The following CPNE9 variants were observed in gnomAD, a reference collection of about 807,000 sequenced individuals.
CPNE9 encodes copine family member 9, also known as copine-9.
In CPNE9, 59 loss-of-function variants were observed where a neutral mutation model predicts 83.0. The ratio of observed to expected loss-of-function variants is 0.71; its 90% CI spans 0.58 to 0.88. The LOEUF is 0.88. Ranked by LOEUF, CPNE9 falls within the 40% of genes least tolerant of loss-of-function variation. The pLI is 0.00. For missense variants in CPNE9, 619 were observed against 720.8 expected, an observed-to-expected ratio of 0.86 and a Z score of 1.62; for synonymous variants, 256 against 273.4, an observed-to-expected ratio of 0.94 and a Z score of 0.63.
intron 4 of CPNE9, 44 bp downstream of exon 4, chr3:9,705,038 G>C (rs2076547642): frequency 2.1e-6 from 3 of 1,408,678 alleles, no homozygotes; most frequent in Non-Finnish European, 3.0e-6. Context: ...CCCCCGACCT[G>C]GATCCGCCCG....
rs774121495 is a variant in CPNE9 at position 9,715,951 on chromosome 3, G to A, written c.823-23G>A. On this transcript the variant is annotated intron_variant, in intron 13 of 20. Coordinates refer to ENST00000383832, the MANE Select transcript of CPNE9 (RefSeq NM_153635.3). ...CCCAACTGCCTTTTCCAAAGTGCCA[G>A]GGCTGCCTATTCTGTCCCACAGGTG... 13 of 1,607,624 alleles carry A rather than the reference G, an allele frequency of 8.1e-6. No individual in the cohort carries two copies. In the South Asian group the frequency reaches 1.5e-4, roughly 18 times the overall value.
In CPNE9 at chr3:9,729,671, C is replaced by T; in HGVS notation, c.1641C>T (p.Ile547=). 1 of 1,613,406 alleles carries T rather than the reference C, an allele frequency of 6.2e-7. No individual in the cohort carries two copies. Among genetic ancestry groups the T allele is most frequent in the Non-Finnish European group, 8.5e-7 (1 of 1,179,470 alleles). The change falls in exon 21 of 21, where the codon ATC becomes ATT. Residue 547 remains isoleucine, a synonymous_variant. Coordinates refer to ENST00000383832, the MANE Select transcript of CPNE9 (RefSeq NM_153635.3). ...RPPPPANPSP[I]PAPEQP ...CACCCCCTGCCAACCCCAGCCCGATCCCAGCTCCAGAGCAGCCCTGAGGAT... is the reference window on the plus strand; with the variant it reads ...CACCCCCTGCCAACCCCAGCCCGATTCCAGCTCCAGAGCAGCCCTGAGGAT...
intron 17 of CPNE9, among the ~76,000 whole-genome samples, chr3:9,719,186 C>T (rs560053438): frequency 9.9e-5 from 15 of 152,068 alleles, no homozygotes; most frequent in African/African-American, 2.7e-4. Flanking sequence ...GTATACAGGA[C>T]GATGTGTATA....
chr3:9,729,500 G>T lies in CPNE9; in HGVS notation c.1477-7G>T. 3 of 1,608,120 alleles carry T rather than the reference G, an allele frequency of 1.9e-6. No homozygotes were observed. Among genetic ancestry groups the T allele is most frequent in the South Asian group, 2.2e-5 (2 of 90,734 alleles). On this transcript the variant is annotated splice_polypyrimidine_tract_variant and splice_region_variant and intron_variant, in intron 20 of 20. Transcript: ENST00000383832. ...GGCTTATCTCTTCTTGTCTGTGCCT[G>T]ACCCAGTTCGTCCCATTCCGAGACT...
At chr3:9,722,007 C>G (rs1245020897) in intron 17 of CPNE9, among the ~76,000 whole-genome samples, 1 of 151,856 alleles carries the variant, frequency 6.6e-6, no homozygotes, top group Non-Finnish European at 1.5e-5. Context: ...CAACCTCTGC[C>G]CCTGGGTTCA....
At chr3:9,715,446 A>G (rs1216105988) in intron 12 of CPNE9, 27 bp from the exon 13 acceptor site, 10 of 1,613,120 alleles carry the variant, frequency 6.2e-6, no homozygotes, top group African/African-American at 2.7e-5. Context: ...TTTGTTTCTC[A>G]TCATCACTGT....
At chr3:9,711,898 C>T (rs2076632614) in intron 7 of CPNE9, among the ~76,000 whole-genome samples, 4 of 152,196 alleles carry the variant, frequency 2.6e-5, no homozygotes, top group Admixed American at 2.0e-4. Flanking sequence ...AACAAGCTAG[C>T]CCTTTTGTCC....
rs1358721664 is a variant in CPNE9 at position 9,715,469 on chromosome 3, T to C, written c.769-4T>C. 6.2e-7 allele frequency: 1 copy of C among 1,613,796 alleles called. No homozygotes were observed. Among genetic ancestry groups the C allele is most frequent in the Non-Finnish European group, 8.5e-7 (1 of 1,179,656 alleles). ...TCATCATCACTGTTACCTCCTCCCCTTAGGTTCTTAACCCTCGGAAGAAAT... is the reference window on the plus strand; with the variant it reads ...TCATCATCACTGTTACCTCCTCCCCCTAGGTTCTTAACCCTCGGAAGAAAT... On this transcript the variant is annotated splice_region_variant and splice_polypyrimidine_tract_variant and intron_variant, in intron 12 of 20. Coordinates refer to ENST00000383832, the MANE Select transcript of CPNE9 (RefSeq NM_153635.3).
Position 9,729,675 on chromosome 3 carries a change from G to C in CPNE9, c.1645G>C (p.Ala549Pro), listed in dbSNP as rs2076811914. The C allele has an allele frequency of 3.7e-6, 6 of 1,613,414 alleles. No homozygotes were observed. Among genetic ancestry groups the C allele is most frequent in the Non-Finnish European group, 5.1e-6 (6 of 1,179,592 alleles). Reference protein sequence around the residue: ...PPPANPSPIPAPEQP With the variant: ...PPPANPSPIPPPEQP ...CCCTGCCAACCCCAGCCCGATCCCA[G>C]CTCCAGAGCAGCCCTGAGGATTCCA... The change falls in exon 21 of 21, where the codon GCT becomes CCT. Residue 549 changes from alanine (A) to proline (P), a missense_variant. Physicochemically the swap from Ala to Pro is conservative, Grantham distance 27. Around this residue, in one of 3 missense-constraint regions of CPNE9, gnomAD observed 51 missense variants for 40.4 expected, o/e 1.26. Coordinates refer to ENST00000383832, the MANE Select transcript of CPNE9 (RefSeq NM_153635.3).
rs749890819 is a variant in CPNE9, at chr3:9,705,676, C to G, written c.298-42C>G. 8 of 1,613,398 alleles carry G rather than the reference C, an allele frequency of 5.0e-6. No homozygotes were observed. In the African/African-American group the frequency reaches 8.0e-5, roughly 16 times the overall value. On this transcript the variant is annotated intron_variant, in intron 5 of 20. Transcript: ENST00000383832. ...GTGTCCTGCCTGTGCCCCCTACTCA[C>G]TGTTCCTCTTCCTTCTTGGCTGCCA...
At chr3:9,709,810 C>T (rs1032378612) in intron 7 of CPNE9, among the ~76,000 whole-genome samples, 4 of 151,568 alleles carry the variant, frequency 2.6e-5, no homozygotes, top group African/African-American at 7.3e-5. Context: ...GCCAACATGG[C>T]GAAACTCTGT....
At chr3:9,719,947 C>A (rs2076719542) in intron 17 of CPNE9, among the ~76,000 whole-genome samples, 1 of 151,852 alleles carries the variant, frequency 6.6e-6, no homozygotes, top group South Asian at 2.1e-4. Context: ...GCCGAGATCA[C>A]ACCACTGCAC....
chr3:9,715,600 A>T (rs1343798551), intron 13 of CPNE9, 74 bp downstream of exon 13: 21 of 1,309,104 alleles, frequency 1.6e-5, no homozygotes, highest in Non-Finnish European at 2.0e-5. Flanking sequence ...CATGGCAAAT[A>T]TCGAGGGCAG....
At chr3:9,721,468 T>G (rs1462934462) in intron 17 of CPNE9, among the ~76,000 whole-genome samples, 1 of 152,212 alleles carries the variant, frequency 6.6e-6, no homozygotes, top group Non-Finnish European at 1.5e-5. Context: ...TCATCTAGCT[T>G]TATCCAGCAG....
chr3:9,707,308 G>A (rs554061574), intron 7 of CPNE9, among the ~76,000 whole-genome samples: 1 of 137,794 alleles, frequency 7.3e-6, no homozygotes, highest in Admixed American at 7.9e-5. Context: ...AGCTGAGATT[G>A]TGCCACTGCA....
rs748038130 is a variant in CPNE9 at position 9,729,470 on chromosome 3, G to A, written c.1477-37G>A. 3.8e-6 allele frequency: 6 copies of A among 1,580,364 alleles called. No individual in the cohort carries two copies. In the Admixed American group the frequency reaches 6.8e-5, roughly 18 times the overall value. On this transcript the variant is annotated intron_variant, in intron 20 of 20. Coordinates refer to ENST00000383832, the MANE Select transcript of CPNE9 (RefSeq NM_153635.3). ...CTGCACCCCCATGCCCTCTCTCCTG[G>A]TCATGGCTTATCTCTTCTTGTCTGT... is the stretch of plus-strand genomic sequence containing the variant.
intron 10 of CPNE9, 24 bp from the exon 11 acceptor site, chr3:9,714,890 G>T (rs543497618): frequency 1.2e-6 from 2 of 1,607,760 alleles, no homozygotes; most frequent in East Asian, 4.5e-5. Context: ...CACACCTAGG[G>T]TATGTTTATC....
chr3:9,708,504 G>A (rs1265064266), intron 7 of CPNE9, among the ~76,000 whole-genome samples: 4 of 152,228 alleles, frequency 2.6e-5, no homozygotes, highest in Non-Finnish European at 4.4e-5. Flanking sequence ...ATCAAATGCT[G>A]CTACAGCTCA....
At chr3:9,706,117 C>T in intron 7 of CPNE9, 54 bp downstream of exon 7, 1 of 1,559,360 alleles carries the variant, frequency 6.4e-7, no homozygotes, top group Non-Finnish European at 8.8e-7. Context: ...CAAATTCTCC[C>T]TCCCAAGGAT....
Sources: allele counts gnomAD v4.1 joint callset (sites outside exome capture counted in the v4.1 genomes callset), GRCh38; gene constraint gnomAD v4.1.1; regional missense constraint gnomAD v4.1.1; transcripts MANE v1.5; gene names NCBI Gene and HGNC (gene_info 2026-07-23, HGNC 2026-07-21).